The following SNX2 variants were observed in gnomAD, a reference collection of about 807,000 sequenced individuals.
SNX2 encodes sorting nexin-2.
A neutral mutation model predicts 69.9 loss-of-function variants in SNX2; 25 were observed. The observed-to-expected ratio is 0.36, with a 90% CI of 0.26 to 0.50. The LOEUF (loss-of-function observed/expected upper bound fraction) is 0.50. Among genes scored for constraint, SNX2 ranks in the 20% least tolerant of loss-of-function variants. SNX2 has a pLI of 0.97. For synonymous variants in SNX2, 229 were observed against 200.4 expected (o/e 1.14, Z -1.20); for missense variants, 551 against 613.3 (o/e 0.90, Z 1.07).
chr5:122,800,198 G>A (rs1753476470), intron 3 of SNX2, among the ~76,000 whole-genome samples: 1 of 152,108 alleles, frequency 6.6e-6, no homozygotes, highest in African/African-American at 2.4e-5. Flanking sequence ...GATAAAATTT[G>A]TAATAAATAC....
rs553991084 is a variant in SNX2, at chr5:122,831,025, A to G, written c.*1377A>G. On this transcript the variant is annotated 3_prime_UTR_variant, in exon 15 of 15. Transcript: ENST00000379516. Reference sequence around the variant, plus strand: ...ACTCCATCTCAAAAAAAAAAAAAAAAAAAAAAAAGATGACTGGTGTCAGAG... The same window carrying G: ...ACTCCATCTCAAAAAAAAAAAAAAAGAAAAAAAAGATGACTGGTGTCAGAG... Among the ~76,000 whole-genome samples the G allele has an allele frequency of 0.012, 1,783 of 151,450 alleles. 52 individuals are homozygous for G. The highest frequency in any genetic ancestry group is 0.041 in the African/African-American group (1,710 of 41,212).
At position 122,808,278 on chromosome 5, in the gene SNX2, G is replaced by T. The variant is rs141704971; in HGVS notation, c.645G>T (p.Gly215=). The T allele has an allele frequency of 2.4e-4, 379 of 1,600,414 alleles. No homozygotes were observed. In the African/African-American group the frequency reaches 4.6e-3, roughly 20 times the overall value. ...GAATCTCATTCAACTTCTTCAAAGG[G>T]ATGACCAAGGTCAAAGTGGGTAAAG... is the stretch of plus-strand genomic sequence containing the variant. ...VPPAPEKSIV[G]MTKVKVGKED... The change falls in exon 7 of 15, where the codon GGG becomes GGT. Residue 215 remains glycine (G), a splice_region_variant and synonymous_variant. Coordinates refer to ENST00000379516, the MANE Select transcript of SNX2 (RefSeq NM_003100.4).
intron 1 of SNX2, among the ~76,000 whole-genome samples, chr5:122,782,531 G>C (rs1028850762): frequency 6.7e-6 from 1 of 148,364 alleles, no homozygotes; most frequent in Non-Finnish European, 1.5e-5. Context: ...GAGCCATCAC[G>C]CCCGGCCTAT....
intron 2 of SNX2, among the ~76,000 whole-genome samples, chr5:122,796,058 TTTCA>T (rs1355758964): frequency 6.6e-6 from 1 of 152,240 alleles, no homozygotes; most frequent in Non-Finnish European, 1.5e-5. Context: ...CTGAACTGGC[TTTCA>T]TTGAGTTAAA....
chr5:122,826,629 T>G, intron 12 of SNX2: 1 of 955,608 alleles, frequency 1.0e-6, no homozygotes, highest in Non-Finnish European at 1.2e-6. Context: ...CTTACCATGC[T>G]TCAATAAGGA....
In SNX2 at chr5:122,778,920, CAG is replaced by C. The variant is rs572835518; in HGVS notation, c.108+3713_108+3714del. On this transcript the variant is annotated intron_variant, in intron 1 of 14. Transcript: ENST00000379516. ...CTGTGAAACAAAAAAGGGATGGAGA[CAG>C]AGAAGGGAATGAGAAGGGAAAAAAA... 1.9e-3 allele frequency among the ~76,000 whole-genome samples: 290 copies of C among 152,100 alleles called. 1 individual carries two copies. The highest frequency in any genetic ancestry group is 4.2e-3 in the Admixed American group (64 of 15,268).
chr5:122,825,317 A>G (rs763964388), intron 11 of SNX2, among the ~76,000 whole-genome samples: 1 of 152,024 alleles, frequency 6.6e-6, no homozygotes, highest in Non-Finnish European at 1.5e-5. Context: ...CATTTTTTTC[A>G]TGAGACTTCT....
rs1316933746 is a variant in SNX2 at position 122,801,861 on chromosome 5, C to T, written c.391-8C>T. On this transcript the variant is annotated splice_region_variant and splice_polypyrimidine_tract_variant and intron_variant, in intron 3 of 14. Transcript: ENST00000379516. Reference sequence around the variant, plus strand: ...TTTTAATGCCAAAAAATAATTTATACTTTCTAGATTGAAGAAGAAGCAAAT... The same window carrying T: ...TTTTAATGCCAAAAAATAATTTATATTTTCTAGATTGAAGAAGAAGCAAAT... The T allele has an allele frequency of 6.6e-7, 1 of 1,524,344 alleles. No individual in the cohort carries two copies. Among genetic ancestry groups the T allele is most frequent in the Non-Finnish European group, 9.0e-7 (1 of 1,111,772 alleles). The allele number at this position is 1,524,344 out of a possible 1,614,324, so 94.4% of individuals were successfully genotyped here. A position where few individuals can be genotyped will look rare whatever the true frequency, so the allele number is the denominator to read the frequency against.
At chr5:122,787,637 A>G (rs76007512) in intron 1 of SNX2, among the ~76,000 whole-genome samples, 3,522 of 152,230 alleles carry the variant, frequency 0.023, 148 homozygotes, top group African/African-American at 0.081. Context: ...GCCTCTCCAT[A>G]GTGATATGAC....
chr5:122,803,672 G>C, intron 6 of SNX2, 59 bp downstream of exon 6: 2 of 1,327,564 alleles, frequency 1.5e-6, no homozygotes, highest in Non-Finnish European at 2.1e-6. Flanking sequence ...AGTTTTAACT[G>C]TATAGATTTG....
At chr5:122,799,909 C>T (rs1380970169) in intron 3 of SNX2, 54 bp downstream of exon 3, 3 of 1,337,676 alleles carry the variant, frequency 2.2e-6, no homozygotes, top group African/African-American at 1.5e-5. Flanking sequence ...TTTTTCCCCA[C>T]CCAACATCAC....
chr5:122,786,006 G>C (rs933594556), intron 1 of SNX2, among the ~76,000 whole-genome samples: 2 of 152,032 alleles, frequency 1.3e-5, no homozygotes, highest in Non-Finnish European at 2.9e-5. Flanking sequence ...TTTATTTCTT[G>C]TTTTAGTTCA....
At chr5:122,775,795 A>G in intron 1 of SNX2, 1 of 983,810 alleles carries the variant, frequency 1.0e-6, no homozygotes, top group Non-Finnish European at 1.2e-6. Context: ...GTTTGTCTTT[A>G]GTTCCTAGAC....
At chr5:122,825,120 T>A (rs1754125121) in intron 11 of SNX2, among the ~76,000 whole-genome samples, 2 of 152,178 alleles carry the variant, frequency 1.3e-5, no homozygotes, top group African/African-American at 4.8e-5. Context: ...TTTTTACTGC[T>A]TCATGGTTCA....
chr5:122,819,552 T>TA (rs1753969140), intron 11 of SNX2, among the ~76,000 whole-genome samples: 1 of 152,212 alleles, frequency 6.6e-6, no homozygotes, highest in South Asian at 2.1e-4. Flanking sequence ...TGGTAATACT[T>TA]ATATAATAGT....
intron 2 of SNX2, chr5:122,795,701 C>A (rs1753361965): frequency 5.5e-6 from 1 of 182,030 alleles, no homozygotes; most frequent in Non-Finnish European, 1.1e-5. Flanking sequence ...GTGATTATAC[C>A]TTTTTATTGC....
chr5:122,795,427 A>G, intron 2 of SNX2, 44 bp downstream of exon 2: 1 of 1,259,310 alleles, frequency 7.9e-7, no homozygotes, highest in South Asian at 1.2e-5. Context: ...CAATTGCAGT[A>G]TATTTTCTAT....
intron 7 of SNX2, among the ~76,000 whole-genome samples, chr5:122,810,462 C>A (rs1200626244): frequency 1.4e-5 from 2 of 148,076 alleles, no homozygotes; most frequent in African/African-American, 5.0e-5. Flanking sequence ...TTCGCTTAGT[C>A]TTTCCTGAAA....
chr5:122,817,767 G>A (rs540776516), intron 10 of SNX2, among the ~76,000 whole-genome samples: 9 of 152,134 alleles, frequency 5.9e-5, no homozygotes, highest in Non-Finnish European at 8.8e-5. Context: ...CTTGAGATTT[G>A]AAAATTGCTT....
Sources: gnomAD v4.1 joint callset for allele counts (sites outside exome capture counted in the v4.1 genomes callset) on GRCh38, gnomAD v4.1.1 for gene constraint, MANE v1.5 for transcripts, NCBI Gene and HGNC (gene_info 2026-07-23, HGNC 2026-07-21) for gene names.